CACNA1C: variants seen among roughly 807,000 people sequenced by gnomAD.
The protein encoded by CACNA1C is calcium voltage-gated channel subunit alpha1 C.
Under a neutral mutation model 229.0 loss-of-function variants are expected in CACNA1C, and 30 were observed. The ratio of observed to expected loss-of-function variants is 0.13; its 90% CI spans 0.10 to 0.18. The LOEUF (loss-of-function observed/expected upper bound fraction) is 0.18. Ranked by LOEUF, CACNA1C falls within the 10% of genes least tolerant of loss-of-function variation. The pLI, the probability that CACNA1C is intolerant of heterozygous loss-of-function variation, is 1.00. For missense variants in CACNA1C, 1,658 were observed against 2,845.0 expected (o/e 0.58, Z 9.49); for synonymous variants, 1,114 against 1,132.5 (o/e 0.98, Z 0.33).
chr12:2,072,243 G>T (rs1325525930), intron 1 of CACNA1C, among the ~76,000 whole-genome samples: 2 of 151,950 alleles, frequency 1.3e-5, no homozygotes, highest in Non-Finnish European at 2.9e-5. Context: ...GTGTCACCCA[G>T]GCTGGAGTGC....
At chr12:2,092,733 T>C (rs1481480799) in intron 1 of CACNA1C, among the ~76,000 whole-genome samples, 7 of 152,210 alleles carry the variant, frequency 4.6e-5, no homozygotes, top group African/African-American at 7.2e-5. Flanking sequence ...ATGCACCCTA[T>C]TTAATCCTTA....
intron 3 of CACNA1C, among the ~76,000 whole-genome samples, chr12:2,231,771 G>C (rs74604197): frequency 1.6e-3 from 240 of 152,236 alleles, no homozygotes; most frequent in African/African-American, 5.4e-3. Context: ...GTCTTGCACA[G>C]TGCTAGACTG....
intron 18 of CACNA1C, 53 bp from the exon 19 acceptor site, chr12:2,593,160 T>C (rs2066283933): frequency 1.3e-6 from 2 of 1,586,454 alleles, no homozygotes; most frequent in South Asian, 1.1e-5. Context: ...CTGAAAGTGG[T>C]AAAATAAGTG....
intron 3 of CACNA1C, among the ~76,000 whole-genome samples, chr12:2,202,246 A>C (rs2097598361): frequency 6.6e-6 from 1 of 152,228 alleles, no homozygotes; most frequent in African/African-American, 2.4e-5. Context: ...CACTGAGCCC[A>C]GGCTGCCATG....
chr12:2,378,783 T>G (rs1032997223), intron 3 of CACNA1C, among the ~76,000 whole-genome samples: 1 of 65,794 alleles, frequency 1.5e-5, no homozygotes, highest in South Asian at 6.0e-4. Context: ...ATTTGGGTCC[T>G]TCCTTCCTTC....
In CACNA1C at chr12:2,403,417, G is replaced by C. The variant is rs1277718131; in HGVS notation, c.478-45559G>C. Among the ~76,000 whole-genome samples the C allele has an allele frequency of 6.6e-6, 1 of 152,114 alleles. No individual in the cohort carries two copies. Among genetic ancestry groups the C allele is most frequent in the Non-Finnish European group, 1.5e-5 (1 of 68,030 alleles). Reference sequence around the variant, plus strand: ...CGGAGCTGTGAGGACCCAGGGAGGAGGGTTTAGAAGTCAAGGAGGAAGCTG... The same window carrying C: ...CGGAGCTGTGAGGACCCAGGGAGGACGGTTTAGAAGTCAAGGAGGAAGCTG... On this transcript the variant is annotated intron_variant, in intron 3 of 46. Coordinates refer to ENST00000399655, the MANE Select transcript of CACNA1C (RefSeq NM_000719.7). The surrounding 1 kb of genome is among the most constrained non-coding windows in gnomAD (Gnocchi z 4.1).
intron 13 of CACNA1C, among the ~76,000 whole-genome samples, chr12:2,578,536 C>T (rs981440066): frequency 1.2e-4 from 18 of 152,010 alleles, no homozygotes; most frequent in Admixed American, 3.3e-4. Context: ...ATCAGCTGCC[C>T]GGAGCGGGGG....
At chr12:2,470,758 T>A (rs1341650172) in intron 5 of CACNA1C, among the ~76,000 whole-genome samples, 4 of 152,314 alleles carry the variant, frequency 2.6e-5, no homozygotes, top group African/African-American at 9.6e-5. Flanking sequence ...TACTAGCTAC[T>A]AGTACTCTGT....
At chr12:2,484,158 G>A (rs2099688113) in intron 5 of CACNA1C, among the ~76,000 whole-genome samples, 1 of 152,188 alleles carries the variant, frequency 6.6e-6, no homozygotes, top group South Asian at 2.1e-4. Flanking sequence ...ACTCTCCAGA[G>A]GATAGAAAAT....
At chr12:2,484,789 T>A (rs115609222) in intron 5 of CACNA1C, among the ~76,000 whole-genome samples, 3,474 of 149,654 alleles carry the variant, frequency 0.023, 133 homozygotes, top group African/African-American at 0.081. Flanking sequence ...CCAACACTAA[T>A]GTGTATACAA....
At chr12:2,312,464 C>T (rs1388581106) in intron 3 of CACNA1C, among the ~76,000 whole-genome samples, 1 of 152,156 alleles carries the variant, frequency 6.6e-6, no homozygotes, top group Admixed American at 6.5e-5. Context: ...TCCTTCTGCC[C>T]TCAGATCAAC....
chr12:2,210,758 T>G (rs2097894851), intron 3 of CACNA1C, among the ~76,000 whole-genome samples: 1 of 152,200 alleles, frequency 6.6e-6, no homozygotes, highest in Admixed American at 6.5e-5. Context: ...CATTCAGTCA[T>G]TCAGTCATGC....
At chr12:2,604,023 C>T (rs914643814) in intron 22 of CACNA1C, among the ~76,000 whole-genome samples, 1 of 152,158 alleles carries the variant, frequency 6.6e-6, no homozygotes, top group African/African-American at 2.4e-5. Flanking sequence ...TGAAGCTTTC[C>T]CTCCTTCTGG....
chr12:2,342,462 A>G (rs1241256315), intron 3 of CACNA1C, among the ~76,000 whole-genome samples: 1 of 152,242 alleles, frequency 6.6e-6, no homozygotes, highest in African/African-American at 2.4e-5. Context: ...CTGGCAGGAT[A>G]ACAGCCAGTT....
intron 3 of CACNA1C, among the ~76,000 whole-genome samples, chr12:2,278,509 C>G (rs1171786593): frequency 6.6e-6 from 1 of 152,160 alleles, no homozygotes; most frequent in Non-Finnish European, 1.5e-5. Flanking sequence ...AGCATGGACT[C>G]TCTTGACTGC....
chr12:2,376,227 C>G (rs2098060375), intron 3 of CACNA1C, among the ~76,000 whole-genome samples: 1 of 152,198 alleles, frequency 6.6e-6, no homozygotes, highest in Non-Finnish European at 1.5e-5. Flanking sequence ...GGAGGACACT[C>G]TAGATCAGAA....
At chr12:1,996,661 A>AAAAAT (rs2040988737) in intron 1 of CACNA1C, among the ~76,000 whole-genome samples, 1 of 106,360 alleles carries the variant, frequency 9.4e-6, no homozygotes, top group Non-Finnish European at 1.9e-5. Flanking sequence ...AAAAACAACA[A>AAAAAT]ACTCTTCTAA....
chr12:2,050,469 CTAT>C (rs941944034), upstream of CACNA1C, among the ~76,000 whole-genome samples: 2 of 152,264 alleles, frequency 1.3e-5, no homozygotes, highest in South Asian at 2.1e-4. Context: ...GTAGTGTTAG[CTAT>C]TATTATTATT....
At chr12:2,163,203 C>A (rs868149737) in intron 3 of CACNA1C, among the ~76,000 whole-genome samples, 366 of 109,300 alleles carry the variant, frequency 3.3e-3, no homozygotes, top group Middle Eastern at 5.2e-3. Flanking sequence ...AATTCCATCT[C>A]AAAAAAAAAA....
Sources: allele counts gnomAD v4.1 joint callset (sites outside exome capture counted in the v4.1 genomes callset), GRCh38; gene constraint gnomAD v4.1.1; non-coding constraint Gnocchi (gnomAD v3.1); transcripts MANE v1.5; gene names NCBI Gene and HGNC (gene_info 2026-07-23, HGNC 2026-07-21).